Variants in ABCD3 observed in about 807,000 individuals in gnomAD.
The protein encoded by ABCD3 is ATP-binding cassette sub-family D member 3.
ABCD3 carries 41 observed loss-of-function variants against 105.5 expected under a neutral mutation model. The ratio of observed to expected loss-of-function variants is 0.39; its 90% confidence interval spans 0.30 to 0.50. The LOEUF (loss-of-function observed/expected upper bound fraction) is 0.50. Ranked by LOEUF, ABCD3 falls within the 20% of genes least tolerant of loss-of-function variation. The probability of loss-of-function intolerance (pLI) is 0.84; values close to 1 mark genes in which losing one functional copy is unlikely to be tolerated. For synonymous variants in ABCD3, 258 were observed against 269.0 expected, an observed-to-expected ratio of 0.96 and a Z score of 0.40; for missense variants, 622 against 806.3, an observed-to-expected ratio of 0.77 and a Z score of 2.77.
At chr1:94,455,952 G>T (rs1647533673) in intron 1 of ABCD3, 2 of 633,690 alleles carry the variant, frequency 3.2e-6, no homozygotes, top group African/African-American at 2.0e-5. Context: ...TTATTTTTAT[G>T]TTGATATACA....
At chr1:94,428,073 TG>T (rs146198509) in intron 1 of ABCD3, among the ~76,000 whole-genome samples, 12,380 of 150,484 alleles carry the variant, frequency 0.082, 640 homozygotes, top group East Asian at 0.17. Context: ...AAAGGTGTTT[TG>T]TTTTTTTTTT....
chr1:94,437,215 A>G lies in ABCD3; in HGVS notation c.110+18627A>G, dbSNP rs111322846. On this transcript the variant is annotated intron_variant, in intron 1 of 22. Transcript: ENST00000370214. ...GACTATACTAAACTACAGGTTTTCA[A>G]TGTAGACAAAACAGCTATCTATTGG... 1.1e-3 allele frequency among the ~76,000 whole-genome samples: 164 copies of G among 152,370 alleles called. 2 individuals carry two copies. Among genetic ancestry groups the G allele is most frequent in the Admixed American group, 7.6e-3 (116 of 15,308 alleles).
At chr1:94,390,294 T>A in the ABCD3 span, among the ~76,000 whole-genome samples, 8 of 152,202 alleles carry the variant, frequency 5.3e-5, no homozygotes, top group East Asian at 3.9e-4. Context: ...TAATTTTTTT[T>A]ATTTTTATTT....
chr1:94,477,223 A>G (rs1230953300), intron 7 of ABCD3, among the ~76,000 whole-genome samples: 4 of 126,706 alleles, frequency 3.2e-5, no homozygotes, highest in African/African-American at 1.2e-4. Context: ...GATAACTTAT[A>G]AGGCAAAAAA....
chr1:94,517,035 C>T lies in ABCD3; in HGVS notation c.1903-17C>T. On this transcript the variant is annotated splice_polypyrimidine_tract_variant and intron_variant, in intron 22 of 22. Coordinates refer to ENST00000370214, the MANE Select transcript of ABCD3 (RefSeq NM_002858.4). Reference sequence around the variant, plus strand: ...CACTCTTAGTTACTGACTTTTTTTCCCCCTTCTTTCCCATAGTACTACCTG... The same window carrying T: ...CACTCTTAGTTACTGACTTTTTTTCTCCCTTCTTTCCCATAGTACTACCTG... 3.2e-6 allele frequency: 5 copies of T among 1,580,978 alleles called. No homozygotes were observed. The highest frequency in any genetic ancestry group is 4.3e-6 in the Non-Finnish European group (5 of 1,150,928).
intron 20 of ABCD3, among the ~76,000 whole-genome samples, chr1:94,500,568 A>G (rs1269902907): frequency 6.6e-6 from 1 of 152,188 alleles, no homozygotes; most frequent in Non-Finnish European, 1.5e-5. Context: ...CAAGCAAGAG[A>G]TTCTCCTCTC....
At chr1:94,473,401 AT>A (rs1275142631) in intron 4 of ABCD3, among the ~76,000 whole-genome samples, 4 of 152,128 alleles carry the variant, frequency 2.6e-5, no homozygotes, top group African/African-American at 9.7e-5. Context: ...AAACAAACAA[AT>A]GGTACTTTGT....
intron 20 of ABCD3, among the ~76,000 whole-genome samples, chr1:94,500,216 G>A (rs1357437217): frequency 6.6e-6 from 1 of 152,014 alleles, no homozygotes; most frequent in Non-Finnish European, 1.5e-5. Flanking sequence ...CCAAAAATAT[G>A]CGCTAAACAC....
At chr1:94,419,992 G>A (rs1659194920) in intron 1 of ABCD3, among the ~76,000 whole-genome samples, 1 of 152,168 alleles carries the variant, frequency 6.6e-6, no homozygotes, top group African/African-American at 2.4e-5. Flanking sequence ...AAGATGTTAG[G>A]TCCTTTAACT....
At chr1:94,480,260 G>T in intron 8 of ABCD3, 1 of 606,366 alleles carries the variant, frequency 1.6e-6, no homozygotes, top group Non-Finnish European at 2.9e-6. Flanking sequence ...AAGCTACAGT[G>T]GTAAGAGGAA....
Position 94,499,651 on chromosome 1 carries a change from C to T in ABCD3, c.1740+37C>T, listed in dbSNP as rs1027745360. The T allele has an allele frequency of 2.5e-6, 4 of 1,611,480 alleles. No individual in the cohort carries two copies. In the African/African-American group the frequency reaches 4.0e-5, roughly 16 times the overall value. On this transcript the variant is annotated intron_variant, in intron 20 of 22. Coordinates refer to ENST00000370214, the MANE Select transcript of ABCD3 (RefSeq NM_002858.4). The stretch of plus-strand genomic sequence containing the variant: ...GTGAAGAAGTTGCACAAGAATGCAA[C>T]TGGTTCCAGCATTTTGATTAATCAG...
Position 94,487,678 on chromosome 1 carries a change from A to G in ABCD3, c.968-16A>G, listed in dbSNP as rs767818834. ...AAATACTGTTACTGTTTTAAATCTT[A>G]CCTGTTTGGTTTCAGACCTTGCCAC... On this transcript the variant is annotated splice_polypyrimidine_tract_variant and intron_variant, in intron 11 of 22. Coordinates refer to ENST00000370214, the MANE Select transcript of ABCD3 (RefSeq NM_002858.4). 1 of 1,613,660 alleles carries G rather than the reference A, an allele frequency of 6.2e-7. No individual in the cohort carries two copies. Among genetic ancestry groups the G allele is most frequent in the Non-Finnish European group, 8.5e-7 (1 of 1,179,648 alleles).
At chr1:94,516,955 C>G in intron 22 of ABCD3, 97 bp from the exon 23 acceptor site, 1 of 893,798 alleles carries the variant, frequency 1.1e-6, no homozygotes, top group Non-Finnish European at 1.9e-6. Context: ...ATTTAGCTCC[C>G]TTAAAATAAT....
chr1:94,492,362 C>T (rs1309488490), intron 16 of ABCD3, among the ~76,000 whole-genome samples: 1 of 152,094 alleles, frequency 6.6e-6, no homozygotes, highest in Non-Finnish European at 1.5e-5. Flanking sequence ...GTTTTCTGCT[C>T]TTAGTAATTT....
intron 10 of ABCD3, among the ~76,000 whole-genome samples, chr1:94,484,838 C>A (rs1484403534): frequency 6.6e-6 from 1 of 151,960 alleles, no homozygotes. Context: ...GCTTAGGAGC[C>A]TTATTTAGTG....
At chr1:94,439,555 C>T (rs371608459) in intron 1 of ABCD3, among the ~76,000 whole-genome samples, 29 of 152,124 alleles carry the variant, frequency 1.9e-4, no homozygotes, top group East Asian at 1.7e-3. Flanking sequence ...TACAGGAGAA[C>T]GTGGGAGGTA....
At chr1:94,441,486 A>G (rs1660133438) in intron 1 of ABCD3, among the ~76,000 whole-genome samples, 1 of 152,222 alleles carries the variant, frequency 6.6e-6, no homozygotes, top group Non-Finnish European at 1.5e-5. Flanking sequence ...GTATTGACTC[A>G]GTAGTCCCAC....
chr1:94,491,497 A>G (rs937089783), intron 16 of ABCD3, among the ~76,000 whole-genome samples: 3 of 152,164 alleles, frequency 2.0e-5, no homozygotes, highest in Non-Finnish European at 2.9e-5. Flanking sequence ...CATAGAAAAT[A>G]TAGTAAATTG....
chr1:94,514,151 T>C (rs1570846318), intron 21 of ABCD3: 1 of 152,008 alleles, frequency 6.6e-6, no homozygotes, highest in African/African-American at 2.4e-5. Context: ...CAGCCTTGAG[T>C]GATCCACTTG....
Sources: gnomAD v4.1 joint callset for allele counts (sites outside exome capture counted in the v4.1 genomes callset) on GRCh38, gnomAD v4.1.1 for gene constraint, MANE v1.5 for transcripts, NCBI Gene and HGNC (gene_info 2026-07-23, HGNC 2026-07-21) for gene names.